Variants in WDHD1 observed in about 807,000 individuals in gnomAD.
WDHD1 encodes the protein WD repeat and HMG-box DNA binding protein 1.
WDHD1 carries 111 observed loss-of-function variants against 135.4 expected under a neutral mutation model. That is an observed-to-expected ratio of 0.82 (90% confidence interval 0.70 to 0.96). WDHD1 has a LOEUF of 0.96. Among genes scored for constraint, WDHD1 ranks in the 40% least tolerant of loss-of-function variants. WDHD1 has a pLI of 0.00. For synonymous variants in WDHD1, 434 were observed against 439.0 expected (o/e 0.99, Z 0.14); for missense variants, 1,351 against 1,336.3 (o/e 1.01, Z -0.17).
chr14:54,992,453 G>A (rs1174792822), intron 11 of WDHD1, among the ~76,000 whole-genome samples: 1 of 152,178 alleles, frequency 6.6e-6, no homozygotes, highest in Non-Finnish European at 1.5e-5. Flanking sequence ...TCGTGCCACT[G>A]CACTCTAGGC....
chr14:54,950,807 AC>A (rs2041037228), intron 24 of WDHD1, among the ~76,000 whole-genome samples: 2 of 152,244 alleles, frequency 1.3e-5, no homozygotes, highest in Admixed American at 1.3e-4. Flanking sequence ...CTCTCAGACC[AC>A]AGTGCAATCA....
chr14:54,946,593 C>T (rs1033494734), intron 24 of WDHD1, among the ~76,000 whole-genome samples: 1 of 152,156 alleles, frequency 6.6e-6, no homozygotes, highest in Non-Finnish European at 1.5e-5. Flanking sequence ...AAGCAATCCT[C>T]CTGCCTCAGA....
Position 54,966,563 on chromosome 14 carries a change from T to C in WDHD1, c.2222A>G (p.Tyr741Cys). 2 of 1,608,214 alleles carry C rather than the reference T, an allele frequency of 1.2e-6. No homozygotes were observed. The highest frequency in any genetic ancestry group is 1.7e-6 in the Non-Finnish European group (2 of 1,178,762). ...RSVIFHNHLDYLAKNGYEYEE... is the reference protein window; with the variant it reads ...RSVIFHNHLDCLAKNGYEYEE... ...ATATTCATAACCATTTTTAGCTAAA[T>C]AATCAAGGTGGTTGTGAAATATAAC... The change falls in exon 18 of 26, where the codon TAT (tyrosine) becomes TGT (cysteine). Residue 741 changes from tyrosine (Y) to cysteine (C), a missense_variant. Physicochemically the swap from Tyr to Cys is radical, Grantham distance 194. Coordinates refer to ENST00000360586, the MANE Select transcript of WDHD1 (RefSeq NM_007086.4).
At position 54,939,850 on chromosome 14, in the gene WDHD1, T is replaced by G. The variant is rs992121999; in HGVS notation, c.*1640A>C. On this transcript the variant is annotated 3_prime_UTR_variant, in exon 26 of 26. Coordinates refer to ENST00000360586, the MANE Select transcript of WDHD1 (RefSeq NM_007086.4). ...CAAAAGAAATCGCGGTTTTTGCCAC[T>G]GAAATGGCGAAACTGCATTTACTTT... 6.6e-6 allele frequency: 1 copy of G among 152,244 alleles called. No individual in the cohort carries two copies. Among genetic ancestry groups the G allele is most frequent in the African/African-American group, 2.4e-5 (1 of 41,468 alleles). The allele number at this position is 152,244 out of a possible 1,614,324, so 9.4% of individuals were successfully genotyped here. A position where few individuals can be genotyped will look rare whatever the true frequency, so the allele number is the denominator to read the frequency against.
At chr14:54,948,376 C>T (rs1212978356) in intron 24 of WDHD1, among the ~76,000 whole-genome samples, 1 of 152,190 alleles carries the variant, frequency 6.6e-6, no homozygotes, top group Non-Finnish European at 1.5e-5. Context: ...TTCCAATGGT[C>T]TTAGCAAACG....
At chr14:54,979,083 T>A (rs1199045424) in intron 16 of WDHD1, among the ~76,000 whole-genome samples, 1 of 152,202 alleles carries the variant, frequency 6.6e-6, no homozygotes, top group African/African-American at 2.4e-5. Context: ...TAGAGTCACC[T>A]AAGCTAAAAA....
intron 7 of WDHD1, among the ~76,000 whole-genome samples, chr14:55,006,999 C>T (rs376478101): frequency 4.0e-5 from 6 of 151,898 alleles, no homozygotes; most frequent in African/African-American, 1.4e-4. Flanking sequence ...GGCTGAGGTG[C>T]GTGGATTGCC....
At chr14:54,993,654 A>G (rs934295813) in intron 11 of WDHD1, among the ~76,000 whole-genome samples, 4 of 152,200 alleles carry the variant, frequency 2.6e-5, no homozygotes, top group Non-Finnish European at 5.9e-5. Context: ...AAAACAATGT[A>G]TAGCAATAGA....
intron 24 of WDHD1, among the ~76,000 whole-genome samples, chr14:54,954,725 T>C (rs2041123582): frequency 6.6e-6 from 1 of 151,644 alleles, no homozygotes; most frequent in Non-Finnish European, 1.5e-5. Flanking sequence ...AAAGAAGTTC[T>C]TTTTGTTTTT....
In WDHD1 at chr14:54,995,832, A is replaced by G. The variant is rs745339765; in HGVS notation, c.943-19T>C. On this transcript the variant is annotated intron_variant, in intron 10 of 25. Transcript: ENST00000360586. Reference sequence around the variant, plus strand: ...TAGATACCTTGAACAAATTAATACAAATTATAAAGTAAAAGTGAATGATTT... The same window carrying G: ...TAGATACCTTGAACAAATTAATACAGATTATAAAGTAAAAGTGAATGATTT... 8 of 1,493,146 alleles carry G rather than the reference A, an allele frequency of 5.4e-6. No homozygotes were observed. In the African/African-American group the frequency reaches 7.0e-5, roughly 13 times the overall value. 92.5% of individuals were successfully genotyped at this position (1,493,146 alleles called of 1,614,324 possible).
At position 55,012,441 on chromosome 14, in the gene WDHD1, T is replaced by G. The variant is rs143551122; in HGVS notation, c.189+1044A>C. 1.9e-3 allele frequency among the ~76,000 whole-genome samples: 294 copies of G among 152,324 alleles called. 1 individual carries two copies. The East Asian group carries it at 0.021, about 11-fold the overall frequency. On this transcript the variant is annotated intron_variant, in intron 3 of 25. Transcript: ENST00000360586. ...ATAAGTCTTCTTTCTCCAAGTAACCTACATCTCATTCCCATATTTGCGTTA... is the reference window on the plus strand; with the variant it reads ...ATAAGTCTTCTTTCTCCAAGTAACCGACATCTCATTCCCATATTTGCGTTA...
At chr14:55,001,945 G>A (rs1344682340) in intron 8 of WDHD1, 148 bp downstream of exon 8, 5 of 613,726 alleles carry the variant, frequency 8.1e-6, no homozygotes, top group Admixed American at 3.3e-5. Flanking sequence ...ATCAAATGAA[G>A]AAAGGATGAG....
In WDHD1 at chr14:54,966,514, T is replaced by G; in HGVS notation, c.2271A>C (p.Ala757=). Residue 757 remains alanine (A), a synonymous_variant, in exon 18 of 26, where the codon GCA becomes GCC. Coordinates refer to ENST00000360586, the MANE Select transcript of WDHD1 (RefSeq NM_007086.4). ...YEYEESTKNQ[A]TKEQQELLMK... ...TTAAAAGTTCCTGTTGCTCTTTTGT[T>G]GCTTGATTTTTAGTGCTCTCTTCAT... 6.2e-7 allele frequency: 1 copy of G among 1,607,518 alleles called. No homozygotes were observed. Among genetic ancestry groups the G allele is most frequent in the East Asian group, 2.2e-5 (1 of 44,826 alleles).
intron 3 of WDHD1, 31 bp downstream of exon 3, chr14:55,013,454 T>G (rs2042207376): frequency 6.8e-7 from 1 of 1,465,968 alleles, no homozygotes; most frequent in African/African-American, 1.4e-5. Flanking sequence ...CAGTATCATT[T>G]CATATCAATT....
At chr14:54,983,376 A>C (rs1413579872) in intron 15 of WDHD1, among the ~76,000 whole-genome samples, 1 of 151,962 alleles carries the variant, frequency 6.6e-6, no homozygotes, top group African/African-American at 2.4e-5. Context: ...AAAAAAAGTT[A>C]AGTGAAAAAA....
At chr14:54,948,304 A>C (rs533873575) in intron 24 of WDHD1, among the ~76,000 whole-genome samples, 70 of 152,274 alleles carry the variant, frequency 4.6e-4, no homozygotes, top group African/African-American at 1.6e-3. Context: ...TTTCCTAGCC[A>C]AGCAAAGCTG....
rs937970985 is a variant in WDHD1 at position 54,939,490 on chromosome 14, C to T, written c.*2000G>A. The T allele has an allele frequency of 6.6e-6, 1 of 150,632 alleles. No homozygotes were observed. The highest frequency in any genetic ancestry group is 2.4e-5 in the African/African-American group (1 of 40,846). The allele number at this position is 150,632 out of a possible 1,614,324, so 9.3% of individuals were successfully genotyped here. A position where few individuals can be genotyped will look rare whatever the true frequency, so the allele number is the denominator to read the frequency against. Reference sequence around the variant, plus strand: ...GTATATGTCAATTTTCTATAGTATACAATAAGCTCAAGTAGGCAATATTAT... The same window carrying T: ...GTATATGTCAATTTTCTATAGTATATAATAAGCTCAAGTAGGCAATATTAT... On this transcript the variant is annotated 3_prime_UTR_variant, in exon 26 of 26. Coordinates refer to ENST00000360586, the MANE Select transcript of WDHD1 (RefSeq NM_007086.4).
intron 16 of WDHD1, among the ~76,000 whole-genome samples, chr14:54,980,176 T>C (rs566599170): frequency 6.6e-6 from 1 of 151,688 alleles, no homozygotes; most frequent in South Asian, 2.1e-4. Context: ...AGTAGCTGGG[T>C]GTGGTGGTGC....
intron 16 of WDHD1, among the ~76,000 whole-genome samples, chr14:54,971,605 G>A (rs774480923): frequency 4.7e-5 from 7 of 150,326 alleles, no homozygotes; most frequent in African/African-American, 1.7e-4. Flanking sequence ...AAAGACATTT[G>A]CAGATCCTGA....
Sources: allele counts gnomAD v4.1 joint callset (sites outside exome capture counted in the v4.1 genomes callset), GRCh38; gene constraint gnomAD v4.1.1; transcripts MANE v1.5; gene names NCBI Gene and HGNC (gene_info 2026-07-23, HGNC 2026-07-21).